PTPRM: variants seen among roughly 807,000 people sequenced by gnomAD.
PTPRM encodes the protein receptor-type tyrosine-protein phosphatase mu.
In PTPRM, 47 loss-of-function variants were observed where a neutral mutation model predicts 186.7. The ratio of observed to expected loss-of-function variants is 0.25; its 90% CI spans 0.20 to 0.32. The LOEUF (loss-of-function observed/expected upper bound fraction) is 0.32. Among genes scored for constraint, PTPRM ranks in the 10% least tolerant of loss-of-function variants. The probability of loss-of-function intolerance (pLI) is 1.00; values close to 1 mark genes in which losing one functional copy is unlikely to be tolerated. For synonymous variants in PTPRM, 668 were observed against 674.9 expected (o/e 0.99, Z 0.16); for missense variants, 1,494 against 1,865.0 (o/e 0.80, Z 3.66).
chr18:8,277,351 T>C (rs1418968029), intron 19 of PTPRM, among the ~76,000 whole-genome samples: 1 of 152,240 alleles, frequency 6.6e-6, no homozygotes, highest in African/African-American at 2.4e-5. Flanking sequence ...TTTGTGTTGT[T>C]TGTATAACTT....
chr18:8,240,647 GAGAGAGAAAGAAAGAAAGAAAGAA>G (rs1568583847), intron 14 of PTPRM, among the ~76,000 whole-genome samples: 5 of 37,242 alleles, frequency 1.3e-4, no homozygotes, highest in African/African-American at 5.4e-4. Context: ...GAGAGAGAGA[GAGAGAGAAAGAAAGAAAGAAAGAA>G]AGAAAGAAAA....
rs564207448 is a variant in PTPRM at position 7,634,982 on chromosome 18, T to G, written c.73+67091T>G. 1.5e-4 allele frequency among the ~76,000 whole-genome samples: 23 copies of G among 152,340 alleles called. No homozygotes were observed. The South Asian group carries it at 4.8e-3, about 32-fold the overall frequency. On this transcript the variant is annotated intron_variant, in intron 1 of 32. Transcript: ENST00000580170. ...ATGTATCACACAGGCATATCTTTTA[T>G]TTTATTTTTTGTTTTTTCAAATGTA...
chr18:7,904,581 T>TA (rs2049878270), intron 3 of PTPRM, among the ~76,000 whole-genome samples: 1 of 152,212 alleles, frequency 6.6e-6, no homozygotes, highest in Non-Finnish European at 1.5e-5. Context: ...ACCCAAGTTG[T>TA]TAGGTACATC....
intron 4 of PTPRM, among the ~76,000 whole-genome samples, chr18:7,924,882 G>C (rs2051079784): frequency 6.6e-6 from 1 of 152,172 alleles, no homozygotes; most frequent in African/African-American, 2.4e-5. Context: ...TGGGAAGACT[G>C]GGGAGAGGCA....
intron 1 of PTPRM, among the ~76,000 whole-genome samples, chr18:7,729,012 G>A (rs1471030810): frequency 1.3e-5 from 2 of 149,796 alleles, no homozygotes; most frequent in African/African-American, 4.9e-5. Flanking sequence ...CTGGCCTCAA[G>A]CAATCCTCCT....
chr18:8,167,996 C>T (rs1017954489), intron 14 of PTPRM, among the ~76,000 whole-genome samples: 1 of 152,214 alleles, frequency 6.6e-6, no homozygotes, highest in Non-Finnish European at 1.5e-5. Context: ...TCTGCCCTTG[C>T]TTGTGTATTC....
chr18:8,118,811 A>AAAAAATAT (rs372020679), intron 13 of PTPRM, among the ~76,000 whole-genome samples: 1 of 128,394 alleles, frequency 7.8e-6, no homozygotes, highest in African/African-American at 2.9e-5. Context: ...AAAAAAAAAA[A>AAAAAATAT]ATATATATAT....
chr18:7,767,468 C>T (rs1010047129), intron 1 of PTPRM, among the ~76,000 whole-genome samples: 2 of 152,054 alleles, frequency 1.3e-5, no homozygotes, highest in African/African-American at 4.8e-5. Flanking sequence ...TGTCTCCAGG[C>T]CTGAAGCTTC....
intron 11 of PTPRM, among the ~76,000 whole-genome samples, chr18:8,106,381 G>A (rs948338446): frequency 1.3e-5 from 2 of 152,120 alleles, no homozygotes; most frequent in African/African-American, 4.8e-5. Flanking sequence ...GGTGACTGTA[G>A]CATTGCAGGA....
intron 1 of PTPRM, among the ~76,000 whole-genome samples, chr18:7,663,697 T>C (rs921140144): frequency 3.9e-5 from 6 of 152,194 alleles, no homozygotes; most frequent in African/African-American, 1.4e-4. Context: ...AAAAGTGCCA[T>C]TAAACATACT....
chr18:7,597,635 T>C (rs771054907), intron 1 of PTPRM, among the ~76,000 whole-genome samples: 7 of 151,892 alleles, frequency 4.6e-5, no homozygotes, highest in Non-Finnish European at 1.0e-4. Context: ...CATTCATGTA[T>C]TGCACTCATC....
chr18:8,280,263 A>G (rs1448637766), intron 19 of PTPRM, among the ~76,000 whole-genome samples: 2 of 152,098 alleles, frequency 1.3e-5, no homozygotes, highest in African/African-American at 4.8e-5. Context: ...TCTAAAAAGG[A>G]CACCAGTCAT....
intron 4 of PTPRM, among the ~76,000 whole-genome samples, chr18:7,915,960 T>C (rs2050531295): frequency 6.6e-6 from 1 of 152,224 alleles, no homozygotes; most frequent in African/African-American, 2.4e-5. Flanking sequence ...CTTGGAGAAA[T>C]CTGATCTCAC....
rs764603146 is a variant in PTPRM, at chr18:8,162,806, G to A, written c.2300+19027G>A. ...CTTTACGTGTGTTTCAGGAGGTGGG[G>A]AGGGAATAAAAATTTAAACAGTCTC... On this transcript the variant is annotated intron_variant, in intron 14 of 32. Transcript: ENST00000580170. Among the ~76,000 whole-genome samples, 20 of 152,324 alleles carry A rather than the reference G, an allele frequency of 1.3e-4. No individual in the cohort carries two copies. The Middle Eastern group carries it at 0.01, about 78-fold the overall frequency.
chr18:7,789,916 C>T (rs927872629), intron 2 of PTPRM, among the ~76,000 whole-genome samples: 1 of 152,128 alleles, frequency 6.6e-6, no homozygotes, highest in Non-Finnish European at 1.5e-5. Flanking sequence ...CATTTTCTTA[C>T]CCCTGAAATG....
intron 1 of PTPRM, among the ~76,000 whole-genome samples, chr18:7,722,677 A>G (rs1336541857): frequency 2.0e-5 from 3 of 152,198 alleles, no homozygotes; most frequent in African/African-American, 7.2e-5. Flanking sequence ...GAAGAAAACT[A>G]CCATAAGCAA....
intron 4 of PTPRM, among the ~76,000 whole-genome samples, chr18:7,907,170 T>C (rs554090447): frequency 9.2e-5 from 14 of 152,258 alleles, no homozygotes; most frequent in Non-Finnish European, 1.6e-4. Context: ...TTGTCATATT[T>C]GTATGTGAAC....
intron 1 of PTPRM, among the ~76,000 whole-genome samples, chr18:7,734,016 A>C (rs1411760221): frequency 6.6e-6 from 1 of 152,192 alleles, no homozygotes; most frequent in Non-Finnish European, 1.5e-5. Flanking sequence ...CATAGAGATG[A>C]AGGTTCCTCA....
chr18:7,649,107 C>G (rs1250926753), intron 1 of PTPRM, among the ~76,000 whole-genome samples: 1 of 152,184 alleles, frequency 6.6e-6, no homozygotes, highest in Non-Finnish European at 1.5e-5. Context: ...TAAGTCTACT[C>G]TGCCTGTGCT....
Sources: allele counts gnomAD v4.1 joint callset (sites outside exome capture counted in the v4.1 genomes callset), GRCh38; gene constraint gnomAD v4.1.1; transcripts MANE v1.5; gene names NCBI Gene and HGNC (gene_info 2026-07-23, HGNC 2026-07-21).